Variants in CNTNAP2 observed in about 807,000 individuals in gnomAD.
The protein encoded by CNTNAP2 is contactin-associated protein-like 2.
Under a neutral mutation model 155.2 loss-of-function variants are expected in CNTNAP2, and 98 were observed. That is an observed-to-expected ratio of 0.63 (90% CI 0.54 to 0.75). CNTNAP2 has a LOEUF of 0.75. CNTNAP2 is among the 30% of genes least tolerant of loss of function. CNTNAP2 has a pLI of 0.00. For missense variants in CNTNAP2, 1,727 were observed against 1,688.1 expected, an observed-to-expected ratio of 1.02 and a Z score of -0.40; for synonymous variants, 651 against 631.2, an observed-to-expected ratio of 1.03 and a Z score of -0.47.
chr7:146,265,193 A>G (rs1799975680), intron 1 of CNTNAP2, among the ~76,000 whole-genome samples: 1 of 152,224 alleles, frequency 6.6e-6, no homozygotes, highest in Non-Finnish European at 1.5e-5. Flanking sequence ...ACTATCATAC[A>G]TAATACCATT....
At chr7:146,230,279 C>T (rs1009160251) in intron 1 of CNTNAP2, among the ~76,000 whole-genome samples, 1 of 152,124 alleles carries the variant, frequency 6.6e-6, no homozygotes, top group Non-Finnish European at 1.5e-5. Context: ...CAAAAGAATT[C>T]TGCTCCACTT....
intron 14 of CNTNAP2, among the ~76,000 whole-genome samples, chr7:147,974,544 G>A (rs1801392920): frequency 6.6e-6 from 1 of 152,166 alleles, no homozygotes; most frequent in African/African-American, 2.4e-5. Context: ...AGAATTGCTT[G>A]AACCCAGGAG....
At chr7:146,257,620 C>T (rs1424914656) in intron 1 of CNTNAP2, among the ~76,000 whole-genome samples, 2 of 152,156 alleles carry the variant, frequency 1.3e-5, no homozygotes, top group Non-Finnish European at 2.9e-5. Context: ...AGAATATGAA[C>T]ATGGAAGCCC....
chr7:147,363,242 G>A (rs1449541751), intron 9 of CNTNAP2, among the ~76,000 whole-genome samples: 1 of 152,182 alleles, frequency 6.6e-6, no homozygotes, highest in East Asian at 1.9e-4. Context: ...TGAGGATATG[G>A]TGAGAAGATA....
intron 10 of CNTNAP2, among the ~76,000 whole-genome samples, chr7:147,447,292 A>G (rs1797756861): frequency 1.3e-5 from 2 of 152,210 alleles, no homozygotes; most frequent in Admixed American, 6.5e-5. Flanking sequence ...TTACATATAC[A>G]TATGTATGTT....
chr7:147,642,011 C>CGCGTGT (rs1554416369), intron 13 of CNTNAP2, among the ~76,000 whole-genome samples: 1 of 149,600 alleles, frequency 6.7e-6, no homozygotes, highest in South Asian at 2.1e-4. Context: ...TGTGTGTGTG[C>CGCGTGT]GTGTGTGTGT....
intron 2 of CNTNAP2, among the ~76,000 whole-genome samples, chr7:146,807,535 T>A (rs2129192936): frequency 6.6e-6 from 1 of 152,252 alleles, no homozygotes; most frequent in East Asian, 1.9e-4. Flanking sequence ...AATCTATAAA[T>A]ATTATGCCAA....
At chr7:147,153,979 T>C (rs1362896029) in intron 8 of CNTNAP2, among the ~76,000 whole-genome samples, 3 of 152,150 alleles carry the variant, frequency 2.0e-5, no homozygotes, top group East Asian at 3.9e-4. Flanking sequence ...ATATACTGTC[T>C]AGGAGCTGTC....
At chr7:147,290,407 T>G (rs1430746435) in intron 8 of CNTNAP2, among the ~76,000 whole-genome samples, 1 of 151,944 alleles carries the variant, frequency 6.6e-6, no homozygotes, top group African/African-American at 2.4e-5. Context: ...ACTGGCAGGG[T>G]GCAGTGGCTC....
chr7:148,152,035 C>A (rs2906305), intron 17 of CNTNAP2, among the ~76,000 whole-genome samples: 51,874 of 151,874 alleles, frequency 0.34, 9,594 homozygotes, highest in African/African-American at 0.48. Context: ...AAACAGACTG[C>A]AAATAGTTCT....
chr7:146,954,713 G>GA (rs1035277142), intron 3 of CNTNAP2, among the ~76,000 whole-genome samples: 9 of 151,450 alleles, frequency 5.9e-5, no homozygotes, highest in African/African-American at 2.2e-4. Context: ...TTGCTCACAA[G>GA]AAAAAAATTT....
chr7:148,070,914 C>T (rs56999575), intron 15 of CNTNAP2, among the ~76,000 whole-genome samples: 12,163 of 151,832 alleles, frequency 0.08, 861 homozygotes, highest in African/African-American at 0.19. Flanking sequence ...TTGTTACTAA[C>T]CCCCTCATAC....
chr7:146,128,283 A>G lies in CNTNAP2; in HGVS notation c.97+11310A>G, dbSNP rs575804819. ...TGTACTGGTTGCATTATACCATTACATGAAATTAGCCCAAATACCTCTGTG... is the reference window on the plus strand; with the variant it reads ...TGTACTGGTTGCATTATACCATTACGTGAAATTAGCCCAAATACCTCTGTG... On this transcript the variant is annotated intron_variant, in intron 1 of 23. Coordinates refer to ENST00000361727, the MANE Select transcript of CNTNAP2 (RefSeq NM_014141.6). Among the ~76,000 whole-genome samples the G allele has an allele frequency of 3.3e-5, 5 of 152,304 alleles. No individual in the cohort carries two copies. The East Asian group carries it at 9.6e-4, about 29-fold the overall frequency.
At chr7:146,942,745 A>G (rs1240913732) in intron 3 of CNTNAP2, among the ~76,000 whole-genome samples, 1 of 152,184 alleles carries the variant, frequency 6.6e-6, no homozygotes, top group African/African-American at 2.4e-5. Flanking sequence ...AAATTTATGT[A>G]TAATGCCAAT....
At chr7:147,968,454 G>A (rs189993244) in intron 14 of CNTNAP2, among the ~76,000 whole-genome samples, 1 of 152,114 alleles carries the variant, frequency 6.6e-6, no homozygotes, top group African/African-American at 2.4e-5. Flanking sequence ...CTTCCATGCA[G>A]GAAAGCTCAA....
Position 146,260,337 on chromosome 7 carries a change from C to T in CNTNAP2, c.97+143364C>T, listed in dbSNP as rs568551514. Among the ~76,000 whole-genome samples the T allele has an allele frequency of 6.6e-4, 100 of 152,340 alleles. 1 individual carries two copies. Among genetic ancestry groups the T allele is most frequent in the Non-Finnish European group, 9.0e-4 (61 of 68,036 alleles). Reference sequence around the variant, plus strand: ...ACAGAGTCCCCACCTGGGGCACTGCCTAGTGGAGCTGTGAGAAAAAGGCCA... The same window carrying T: ...ACAGAGTCCCCACCTGGGGCACTGCTTAGTGGAGCTGTGAGAAAAAGGCCA... On this transcript the variant is annotated intron_variant, in intron 1 of 23. Transcript: ENST00000361727.
intron 13 of CNTNAP2, among the ~76,000 whole-genome samples, chr7:147,896,735 T>C (rs1487871511): frequency 3.3e-5 from 5 of 152,220 alleles, no homozygotes; most frequent in Admixed American, 2.6e-4. Context: ...CAGAATCTTG[T>C]AGCCTCCAGC....
intron 12 of CNTNAP2, among the ~76,000 whole-genome samples, chr7:147,607,806 T>G (rs1801101982): frequency 6.6e-6 from 1 of 152,214 alleles, no homozygotes; most frequent in South Asian, 2.1e-4. Flanking sequence ...TTAAACTAAC[T>G]GCTAACTGAA....
At chr7:147,066,011 TAAAAC>T (rs927570239) in intron 4 of CNTNAP2, among the ~76,000 whole-genome samples, 7 of 152,006 alleles carry the variant, frequency 4.6e-5, no homozygotes, top group South Asian at 4.2e-4. Flanking sequence ...GGTGGTTTTA[TAAAAC>T]AAAACAAAAC....
Sources: allele counts gnomAD v4.1 joint callset (sites outside exome capture counted in the v4.1 genomes callset), GRCh38; gene constraint gnomAD v4.1.1; transcripts MANE v1.5; gene names NCBI Gene and HGNC (gene_info 2026-07-23, HGNC 2026-07-21).